TMEM232: variants seen among roughly 807,000 people sequenced by gnomAD.
TMEM232 encodes transmembrane protein 232.
Under a neutral mutation model 78.8 loss-of-function variants are expected in TMEM232, and 80 were observed. The observed-to-expected ratio is 1.01, with a 90% CI of 0.85 to 1.22. The LOEUF is 1.22. TMEM232 is among the 50% of genes most tolerant of loss of function. The pLI is 0.00. For synonymous variants in TMEM232, 297 were observed against 254.3 expected (o/e 1.17, Z -1.60); for missense variants, 881 against 742.2 (o/e 1.19, Z -2.17).
chr5:110,524,393 AAG>A (rs1410744966), intron 12 of TMEM232, among the ~76,000 whole-genome samples: 3 of 72,792 alleles, frequency 4.1e-5, no homozygotes, highest in African/African-American at 2.2e-4. Context: ...GAAAGAAAGA[AAG>A]AAAGAAAGAA....
At chr5:110,449,021 A>G (rs114430887) in intron 12 of TMEM232, among the ~76,000 whole-genome samples, 8 of 152,166 alleles carry the variant, frequency 5.3e-5, no homozygotes, top group Non-Finnish European at 1.2e-4. Flanking sequence ...AATCAAAGTA[A>G]TATTATGTAG....
intron 2 of TMEM232, among the ~76,000 whole-genome samples, chr5:110,413,197 A>G (rs954772956): frequency 6.6e-6 from 1 of 152,142 alleles, no homozygotes; most frequent in Non-Finnish European, 1.5e-5. Flanking sequence ...GCAGAGGAAC[A>G]TGGAAGGACT....
chr5:110,636,207 A>T (rs1785807586), intron 5 of TMEM232, among the ~76,000 whole-genome samples: 1 of 152,038 alleles, frequency 6.6e-6, no homozygotes, highest in Admixed American at 6.6e-5. Context: ...AAGCTAAAAG[A>T]CTTGCTCTCA....
intron 10 of TMEM232, among the ~76,000 whole-genome samples, chr5:110,593,683 G>A (rs191872567): frequency 8.4e-4 from 128 of 152,180 alleles, no homozygotes; most frequent in African/African-American, 2.9e-3. Flanking sequence ...AGGGCAATAG[G>A]GTGATGAGGA....
chr5:110,402,564 G>A (rs971914671), intron 2 of TMEM232, among the ~76,000 whole-genome samples: 2 of 152,020 alleles, frequency 1.3e-5, no homozygotes, highest in African/African-American at 4.8e-5. Flanking sequence ...GAAGACTAGG[G>A]GATGGCACCA....
intron 7 of TMEM232, among the ~76,000 whole-genome samples, chr5:110,625,029 T>C (rs1313970388): frequency 6.6e-6 from 1 of 152,024 alleles, no homozygotes; most frequent in Admixed American, 6.6e-5. Context: ...ATTATGGCAT[T>C]ACCCCATTTA....
At chr5:110,479,261 T>G (rs1763600724) in intron 12 of TMEM232, among the ~76,000 whole-genome samples, 1 of 151,836 alleles carries the variant, frequency 6.6e-6, no homozygotes, top group Non-Finnish European at 1.5e-5. Flanking sequence ...AAAATTTGTT[T>G]TAATCATTTG....
intron 10 of TMEM232, among the ~76,000 whole-genome samples, chr5:110,592,346 C>G (rs190240141): frequency 1.3e-5 from 2 of 152,094 alleles, no homozygotes; most frequent in African/African-American, 4.8e-5. Flanking sequence ...TCATTTCTCA[C>G]GAGAAACCAC....
At chr5:110,392,393 G>T (rs1285276264) in intron 3 of TMEM232, among the ~76,000 whole-genome samples, 1 of 152,168 alleles carries the variant, frequency 6.6e-6, no homozygotes, top group African/African-American at 2.4e-5. Context: ...AAATTGAGCT[G>T]GTGACTCCCT....
At chr5:110,601,163 A>G (rs984510077) in intron 10 of TMEM232, among the ~76,000 whole-genome samples, 2 of 152,206 alleles carry the variant, frequency 1.3e-5, no homozygotes, top group Non-Finnish European at 2.9e-5. Context: ...TCTCAAAACA[A>G]TAAGAGCCAT....
At chr5:110,420,999 G>C (rs367798600) in intron 13 of TMEM232, among the ~76,000 whole-genome samples, 3 of 150,090 alleles carry the variant, frequency 2.0e-5, no homozygotes, top group Middle Eastern at 3.4e-3. Context: ...CAATAAAAAA[G>C]AAGACATTAT....
Position 110,534,039 on chromosome 5 carries a change from C to T in TMEM232, c.1456-5204G>A, listed in dbSNP as rs777479786. Among the ~76,000 whole-genome samples the T allele has an allele frequency of 3.9e-5, 6 of 152,294 alleles. No homozygotes were observed. In the South Asian group the frequency reaches 1.0e-3, roughly 26 times the overall value. On this transcript the variant is annotated intron_variant, in intron 11 of 13. Coordinates refer to ENST00000455884, the MANE Select transcript of TMEM232 (RefSeq NM_001039763.4). ...CACATCAAGCTCCAGGATTTGCCCC[C>T]GCCCAGGACTGGCAAATTAGCTTTA...
chr5:110,571,572 C>A (rs557664958), intron 10 of TMEM232, among the ~76,000 whole-genome samples: 1 of 151,994 alleles, frequency 6.6e-6, no homozygotes, highest in Non-Finnish European at 1.5e-5. Context: ...GTAATCCCAG[C>A]ACTTGGAGAG....
At chr5:110,528,273 T>C (rs1260564206) in intron 12 of TMEM232, among the ~76,000 whole-genome samples, 16 of 151,944 alleles carry the variant, frequency 1.1e-4, no homozygotes, top group Admixed American at 9.8e-4. Flanking sequence ...TATGTATGTA[T>C]ATAAACATAA....
chr5:110,695,371 G>C (rs184994629), intron 1 of TMEM232, among the ~76,000 whole-genome samples: 19 of 151,908 alleles, frequency 1.3e-4, no homozygotes, highest in East Asian at 3.9e-4. Flanking sequence ...AAATTGACAC[G>C]GTAACATCAC....
intron 7 of TMEM232, among the ~76,000 whole-genome samples, chr5:110,620,640 CTCT>C (rs1561399972): frequency 1.2e-4 from 12 of 101,982 alleles, no homozygotes; most frequent in African/African-American, 4.9e-4. Context: ...TCTCTCTCTC[CTCT>C]CTCCTCTCTC....
intron 7 of TMEM232, among the ~76,000 whole-genome samples, chr5:110,621,964 G>A (rs1580392761): frequency 6.6e-6 from 1 of 152,212 alleles, no homozygotes; most frequent in East Asian, 1.9e-4. Context: ...GTCTGACTAG[G>A]CTCTCTTTTA....
rs559442251 is a variant in TMEM232 at position 110,477,109 on chromosome 5, T to C, written c.1703+51479A>G. ...AGGCCTGTTTCAGATGTTAAAGAACTGGCATTGCTAAATGAAACACATTAT... is the reference window on the plus strand; with the variant it reads ...AGGCCTGTTTCAGATGTTAAAGAACCGGCATTGCTAAATGAAACACATTAT... On this transcript the variant is annotated intron_variant, in intron 12 of 13. Transcript: ENST00000455884. 2.0e-5 allele frequency among the ~76,000 whole-genome samples: 3 copies of C among 152,146 alleles called. No homozygotes were observed. In the South Asian group the frequency reaches 6.2e-4, roughly 32 times the overall value.
At chr5:110,391,757 T>C (rs1755205022) in intron 3 of TMEM232, among the ~76,000 whole-genome samples, 1 of 152,178 alleles carries the variant, frequency 6.6e-6, no homozygotes, top group African/African-American at 2.4e-5. Flanking sequence ...GTCTTGACCA[T>C]AAAGATATTT....
Sources: gnomAD v4.1 joint callset for allele counts (sites outside exome capture counted in the v4.1 genomes callset) on GRCh38, gnomAD v4.1.1 for gene constraint, MANE v1.5 for transcripts, NCBI Gene and HGNC (gene_info 2026-07-23, HGNC 2026-07-21) for gene names.